Variants in LOC128092252 observed in about 807,000 individuals in gnomAD.
chr15:50,672,776 G>T, the LOC128092252 span, among the ~76,000 whole-genome samples: 1 of 151,192 alleles, frequency 6.6e-6, no homozygotes, highest in Non-Finnish European at 1.5e-5. Flanking sequence ...CAAGTGTGGT[G>T]GCGGATGCCT....
the LOC128092252 span, among the ~76,000 whole-genome samples, chr15:50,666,923 TTC>T: frequency 2.0e-5 from 3 of 152,206 alleles, no homozygotes; most frequent in African/African-American, 7.2e-5. Flanking sequence ...GTAGCCATTC[TTC>T]TGTTTCTTTA....
the LOC128092252 span, among the ~76,000 whole-genome samples, chr15:50,674,473 T>A: frequency 6.6e-6 from 1 of 152,216 alleles, no homozygotes; most frequent in Non-Finnish European, 1.5e-5. Flanking sequence ...ACAATGTATA[T>A]GTTTTTGTAC....
the LOC128092252 span, among the ~76,000 whole-genome samples, chr15:50,653,134 A>T: frequency 2.0e-5 from 3 of 152,180 alleles, 1 homozygote; most frequent in East Asian, 5.8e-4. Flanking sequence ...ACAGAGTGAG[A>T]CCCTGTTTCC....
chr15:50,657,746 C>T, the LOC128092252 span: 1 of 1,589,986 alleles, frequency 6.3e-7, no homozygotes, highest in Middle Eastern at 1.7e-4. Context: ...TATTTATTTT[C>T]CGAAATTTGT....
chr15:50,656,469 TA>T, the LOC128092252 span, among the ~76,000 whole-genome samples: 1 of 151,574 alleles, frequency 6.6e-6, no homozygotes, highest in African/African-American at 2.4e-5. Flanking sequence ...AGGTACATGA[TA>T]CCATGCCAAG....
the LOC128092252 span, among the ~76,000 whole-genome samples, chr15:50,652,741 C>T: frequency 6.6e-6 from 1 of 151,962 alleles, no homozygotes; most frequent in African/African-American, 2.4e-5. Flanking sequence ...TAAAACCAGC[C>T]CGTAATTCCA....
At chr15:50,655,306 G>A in the LOC128092252 span, among the ~76,000 whole-genome samples, 8 of 151,266 alleles carry the variant, frequency 5.3e-5, no homozygotes, top group South Asian at 4.2e-4. Context: ...GGTGGCATGC[G>A]TCTGTAATCC....
chr15:50,684,188 T>C, the LOC128092252 span, among the ~76,000 whole-genome samples: 1 of 149,510 alleles, frequency 6.7e-6, no homozygotes, highest in South Asian at 2.3e-4. Context: ...AGTCTCACTC[T>C]GTCACCCAGG....
the LOC128092252 span, among the ~76,000 whole-genome samples, chr15:50,661,298 T>C: frequency 2.6e-5 from 4 of 152,102 alleles, no homozygotes; most frequent in Non-Finnish European, 5.9e-5. Flanking sequence ...TCTTATAAAA[T>C]ATCTGTAGTA....
At chr15:50,676,335 A>G in the LOC128092252 span, among the ~76,000 whole-genome samples, 5 of 152,142 alleles carry the variant, frequency 3.3e-5, 1 homozygote, top group African/African-American at 1.2e-4. Flanking sequence ...CTATGATTAT[A>G]TATATTAAAA....
At chr15:50,674,849 A>G in the LOC128092252 span, among the ~76,000 whole-genome samples, 2 of 152,218 alleles carry the variant, frequency 1.3e-5, no homozygotes, top group East Asian at 3.9e-4. Flanking sequence ...CACTTCGAAT[A>G]TATCATCCCC....
the LOC128092252 span, among the ~76,000 whole-genome samples, chr15:50,685,759 C>G: frequency 1.3e-5 from 2 of 152,138 alleles, no homozygotes; most frequent in African/African-American, 2.4e-5. Flanking sequence ...AAAGCTCTAT[C>G]GGAAGCTGCA....
At chr15:50,680,806 C>T in the LOC128092252 span, among the ~76,000 whole-genome samples, 1 of 152,134 alleles carries the variant, frequency 6.6e-6, no homozygotes, top group South Asian at 2.1e-4. Flanking sequence ...ATATCAAAAG[C>T]CTTCTCCAAG....
the LOC128092252 span, among the ~76,000 whole-genome samples, chr15:50,680,332 G>C: frequency 6.6e-6 from 1 of 152,114 alleles, no homozygotes; most frequent in Non-Finnish European, 1.5e-5. Context: ...CTTGAGACCA[G>C]GAGTTCAAGG....
the LOC128092252 span, among the ~76,000 whole-genome samples, chr15:50,649,696 A>T: frequency 6.6e-6 from 1 of 152,194 alleles, no homozygotes; most frequent in East Asian, 1.9e-4. Flanking sequence ...CTTTCTACCC[A>T]GAAGCACATA....
the LOC128092252 span, among the ~76,000 whole-genome samples, chr15:50,673,816 T>C: frequency 6.6e-6 from 1 of 152,194 alleles, no homozygotes; most frequent in Admixed American, 6.6e-5. Context: ...CTGTATCAAA[T>C]GGTATCCTAA....
the LOC128092252 span, among the ~76,000 whole-genome samples, chr15:50,675,687 T>A: frequency 6.6e-6 from 1 of 152,260 alleles, no homozygotes; most frequent in Non-Finnish European, 1.5e-5. Context: ...TTATACACTT[T>A]GCTTTTTAAT....
chr15:50,663,084 A>ACC, the LOC128092252 span: 1 of 1,478,970 alleles, frequency 6.8e-7, no homozygotes, highest in Non-Finnish European at 9.4e-7. Context: ...TTATAAGTTA[A>ACC]CCCACTAAAT....
the LOC128092252 span, among the ~76,000 whole-genome samples, chr15:50,674,361 A>C: frequency 1.4e-5 from 2 of 146,282 alleles, no homozygotes; most frequent in African/African-American, 4.9e-5. Context: ...TGAACTCCTG[A>C]TCTCAGGTGA....
Sources: allele counts gnomAD v4.1 joint callset (sites outside exome capture counted in the v4.1 genomes callset), GRCh38; gene constraint gnomAD v4.1.1; transcripts MANE v1.5.